ARHGEF10L: variants seen among roughly 807,000 people sequenced by gnomAD.
The protein encoded by ARHGEF10L is rho guanine nucleotide exchange factor 10-like protein.
A neutral mutation model predicts 141.2 loss-of-function variants in ARHGEF10L; 69 were observed. The ratio of observed to expected loss-of-function variants is 0.49; its 90% CI spans 0.40 to 0.60. The LOEUF (loss-of-function observed/expected upper bound fraction) is 0.60, where lower values mean the gene tolerates loss of function less well. ARHGEF10L is among the 20% of genes least tolerant of loss of function. ARHGEF10L has a pLI of 0.00. For synonymous variants in ARHGEF10L, 711 were observed against 718.5 expected, an observed-to-expected ratio of 0.99 and a Z score of 0.17; for missense variants, 1,482 against 1,734.3, an observed-to-expected ratio of 0.85 and a Z score of 2.58.
At chr1:17,613,238 G>A in intron 8 of ARHGEF10L, 64 bp downstream of exon 8, 1 of 1,369,712 alleles carries the variant, frequency 7.3e-7, no homozygotes, top group South Asian at 1.3e-5. Flanking sequence ...CTACCTCCAA[G>A]GGTTTTCCTG....
At chr1:17,622,966 C>A (rs769059940) in intron 11 of ARHGEF10L, 30 bp from the exon 12 acceptor site, 1 of 1,596,042 alleles carries the variant, frequency 6.3e-7, no homozygotes, top group Non-Finnish European at 8.5e-7. Context: ...TGCGGCCTGG[C>A]CTGCGGCCTC....
the ARHGEF10L span, among the ~76,000 whole-genome samples, chr1:17,519,612 A>AT: frequency 6.6e-6 from 1 of 152,054 alleles, no homozygotes; most frequent in Non-Finnish European, 1.5e-5. Flanking sequence ...CCTCAAAAAA[A>AT]GAAAATGAAA....
Position 17,573,733 on chromosome 1 carries a change from G to A in ARHGEF10L, c.-43-6820G>A, listed in dbSNP as rs1005756071. 4.6e-5 allele frequency among the ~76,000 whole-genome samples: 7 copies of A among 151,878 alleles called. No homozygotes were observed. Among genetic ancestry groups the A allele is most frequent in the African/African-American group, 9.7e-5 (4 of 41,334 alleles). ...TCCCCTCTGGCCTGGCCTCAGGGTC[G>A]GCTCCTTCCCACAGAGACCTACTCC... On this transcript the variant is annotated intron_variant, in intron 1 of 28. Transcript: ENST00000361221. This position sits in a 1 kb window ranked among gnomAD's most constrained non-coding sequence, Gnocchi z 4.8.
At position 17,563,435 on chromosome 1, in the gene ARHGEF10L, A is replaced by G. The variant is rs557430816; in HGVS notation, c.-43-17118A>G. On this transcript the variant is annotated intron_variant, in intron 1 of 28. Coordinates refer to ENST00000361221, the MANE Select transcript of ARHGEF10L (RefSeq NM_018125.4). The stretch of plus-strand genomic sequence containing the variant: ...TTTTTTGTAGACATGGGGTTTCCCC[A>G]TGTTGCCCGGGATGGTCTTGAACTC... 2.6e-5 allele frequency among the ~76,000 whole-genome samples: 4 copies of G among 152,130 alleles called. No homozygotes were observed. The South Asian group carries it at 6.2e-4, about 24-fold the overall frequency.
At chr1:17,659,557 C>T (rs1184617134) in intron 25 of ARHGEF10L, among the ~76,000 whole-genome samples, 4 of 152,226 alleles carry the variant, frequency 2.6e-5, no homozygotes. Context: ...AGAGCCAGGG[C>T]TTGGAACTGC....
chr1:17,652,437 G>T (rs368814147), intron 22 of ARHGEF10L, among the ~76,000 whole-genome samples: 2 of 152,134 alleles, frequency 1.3e-5, no homozygotes, highest in Non-Finnish European at 2.9e-5. Flanking sequence ...AAACTAGGGT[G>T]GTCACAGCAC....
At chr1:17,634,198 C>G in intron 16 of ARHGEF10L, 1 of 422,438 alleles carries the variant, frequency 2.4e-6, no homozygotes, top group South Asian at 2.9e-5. Flanking sequence ...TGAATACCCT[C>G]TCTGCCTTCA....
chr1:17,652,837 G>C (rs2062012173), intron 22 of ARHGEF10L, among the ~76,000 whole-genome samples: 1 of 152,130 alleles, frequency 6.6e-6, no homozygotes, highest in Admixed American at 6.5e-5. Flanking sequence ...GGGAGCCTAA[G>C]GGGTGTAGCC....
intron 4 of ARHGEF10L, among the ~76,000 whole-genome samples, chr1:17,601,049 C>CAAAAAAAAAAAAAAA (rs55806926): frequency 7.8e-5 from 4 of 51,146 alleles, no homozygotes; most frequent in Non-Finnish European, 1.3e-4. Flanking sequence ...GGCTCTGTCT[C>CAAAAAAAAAAAAAAA]AAAAAAAAAA....
chr1:17,586,556 G>A (rs1441638633), intron 2 of ARHGEF10L, among the ~76,000 whole-genome samples: 1 of 152,214 alleles, frequency 6.6e-6, no homozygotes, highest in African/African-American at 2.4e-5. Context: ...TCCATGTGGT[G>A]AAATGGCTGG....
rs893696485 is a variant in ARHGEF10L at position 17,632,445 on chromosome 1, T to C, written c.1709T>C (p.Val570Ala). The change falls in exon 16 of 29, where the codon GTC becomes GCC. Residue 570 changes from valine to alanine, a missense_variant. Around this residue, in one of 3 missense-constraint regions of ARHGEF10L, gnomAD observed 858 missense variants for 966.3 expected, o/e 0.89. Coordinates refer to ENST00000361221, the MANE Select transcript of ARHGEF10L (RefSeq NM_018125.4). ...RRVFLLNDMLVCANINFKPAN... is the reference protein window; with the variant it reads ...RRVFLLNDMLACANINFKPAN... ...GTCTTCCTGCTCAACGACATGCTTGTCTGTGCCAACATCAACTTCAAGTAA... is the reference window on the plus strand; with the variant it reads ...GTCTTCCTGCTCAACGACATGCTTGCCTGTGCCAACATCAACTTCAAGTAA... 6.2e-7 allele frequency: 1 copy of C among 1,614,070 alleles called. No individual in the cohort carries two copies. The highest frequency in any genetic ancestry group is 1.1e-5 in the South Asian group (1 of 91,076).
chr1:17,591,851 ATT>A lies in ARHGEF10L; in HGVS notation c.257+3373_257+3374del, dbSNP rs764493726. Among the ~76,000 whole-genome samples, 74 of 152,178 alleles carry A rather than the reference ATT, an allele frequency of 4.9e-4. 1 individual carries two copies. The highest frequency in any genetic ancestry group is 8.8e-5 in the Non-Finnish European group (6 of 68,044). On this transcript the variant is annotated intron_variant, in intron 4 of 28. Transcript: ENST00000361221. ...GCATGAACCACTGCATCTGGCCTGT[ATT>A]ATCTTATTACTTGTACCCCTAGGAG...
intron 7 of ARHGEF10L, among the ~76,000 whole-genome samples, chr1:17,608,759 C>T (rs1158793148): frequency 6.6e-6 from 1 of 151,952 alleles, no homozygotes; most frequent in Non-Finnish European, 1.5e-5. Context: ...GGATGGCGTC[C>T]CTCTCAGGCT....
upstream of ARHGEF10L, among the ~76,000 whole-genome samples, chr1:17,534,702 G>A (rs1056072508): frequency 1.3e-5 from 2 of 151,262 alleles, no homozygotes; most frequent in Admixed American, 6.6e-5. Context: ...TGATTCTCCT[G>A]CCTCAGCCTC....
chr1:17,571,683 G>A (rs369545623), intron 1 of ARHGEF10L, among the ~76,000 whole-genome samples: 17 of 152,110 alleles, frequency 1.1e-4, no homozygotes, highest in East Asian at 9.7e-4. Flanking sequence ...ACAGGTGCCC[G>A]TCACCACTCC....
At chr1:17,657,328 G>T (rs1174706715) in intron 25 of ARHGEF10L, among the ~76,000 whole-genome samples, 1 of 152,228 alleles carries the variant, frequency 6.6e-6, no homozygotes, top group Non-Finnish European at 1.5e-5. Context: ...CACCCCTTGA[G>T]AATTTCCTTT....
Position 17,621,306 on chromosome 1 carries a change from C to T in ARHGEF10L, c.943-558C>T, listed in dbSNP as rs1471254230. Among the ~76,000 whole-genome samples the T allele has an allele frequency of 1.3e-5, 2 of 152,164 alleles. No individual in the cohort carries two copies. The highest frequency in any genetic ancestry group is 6.5e-5 in the Admixed American group (1 of 15,286). ...GGAGTGCAGTGGCGCGATCTTGGCC[C>T]ACTGCAACCTCTGCCTCCCAGGTTC... On this transcript the variant is annotated intron_variant, in intron 10 of 28. Transcript: ENST00000361221. This position sits in a 1 kb window ranked among gnomAD's most constrained non-coding sequence, Gnocchi z 4.1.
chr1:17,521,770 C>G, the ARHGEF10L span, among the ~76,000 whole-genome samples: 4 of 152,128 alleles, frequency 2.6e-5, no homozygotes, highest in South Asian at 8.3e-4. Flanking sequence ...CTCTTAGCTG[C>G]TGTACTTGGC....
chr1:17,645,729 C>T (rs893354376), intron 21 of ARHGEF10L, among the ~76,000 whole-genome samples: 2 of 152,236 alleles, frequency 1.3e-5, no homozygotes, highest in South Asian at 4.1e-4. Flanking sequence ...CAAGGTGCGT[C>T]GCAGGCACCG....
Sources: allele counts gnomAD v4.1 joint callset (sites outside exome capture counted in the v4.1 genomes callset), GRCh38; gene constraint gnomAD v4.1.1; regional missense constraint gnomAD v4.1.1; non-coding constraint Gnocchi (gnomAD v3.1); transcripts MANE v1.5; gene names NCBI Gene and HGNC (gene_info 2026-07-23, HGNC 2026-07-21).